Variants in HMGXB3 observed in about 807,000 individuals in gnomAD.
HMGXB3 encodes the protein HMG domain-containing protein 3.
Under a neutral mutation model 121.5 loss-of-function variants are expected in HMGXB3, and 45 were observed. That is an observed-to-expected ratio of 0.37 (90% CI 0.29 to 0.47). The LOEUF (loss-of-function observed/expected upper bound fraction) is 0.47. Among genes scored for constraint, HMGXB3 ranks in the 20% least tolerant of loss-of-function variants. The pLI is 0.99. For missense variants in HMGXB3, 1,376 were observed against 1,602.2 expected (o/e 0.86, Z 2.41); for synonymous variants, 590 against 624.1 (o/e 0.95, Z 0.81).
chr5:150,023,311 T>G (rs1040414691), intron 6 of HMGXB3, among the ~76,000 whole-genome samples: 1 of 152,194 alleles, frequency 6.6e-6, no homozygotes, highest in Non-Finnish European at 1.5e-5. Flanking sequence ...CAAAATGCTG[T>G]CTGGCTCCTG....
At chr5:150,029,484 A>G (rs1266272903) in intron 9 of HMGXB3, among the ~76,000 whole-genome samples, 1 of 152,172 alleles carries the variant, frequency 6.6e-6, no homozygotes, top group African/African-American at 2.4e-5. Flanking sequence ...GCATTTTTCA[A>G]GCTTTTGATC....
chr5:150,042,105 C>T, intron 15 of HMGXB3, 136 bp downstream of exon 15: 1 of 598,218 alleles, frequency 1.7e-6, no homozygotes, highest in East Asian at 2.9e-5. Context: ...CCTCCCACAG[C>T]CCAAGATTTC....
rs556907055 is a variant in HMGXB3, at chr5:150,036,426, C to T, written c.1984-210C>T. ...TTTCAGAGCATTTTGGATTGGGGTG[C>T]TCAACCTGTAGAGAAACTGAGCCCC... On this transcript the variant is annotated intron_variant, in intron 11 of 19. Transcript: ENST00000502717. Among the ~76,000 whole-genome samples, 3 of 152,146 alleles carry T rather than the reference C, an allele frequency of 2.0e-5. No homozygotes were observed. In the South Asian group the frequency reaches 6.3e-4, roughly 32 times the overall value.
chr5:150,039,560 A>G (rs1232913748), intron 13 of HMGXB3, among the ~76,000 whole-genome samples: 2 of 152,216 alleles, frequency 1.3e-5, no homozygotes, highest in East Asian at 1.9e-4. Flanking sequence ...TAGGTAGAGT[A>G]TATGTCCTTT....
chr5:150,024,139 C>A (rs1334825990), intron 6 of HMGXB3, 123 bp from the exon 7 acceptor site: 1 of 813,418 alleles, frequency 1.2e-6, no homozygotes, highest in Non-Finnish European at 1.8e-6. Context: ...AAGTTAACTT[C>A]TTCCTTTCAT....
rs1380802223 is a variant in HMGXB3, at chr5:150,036,624, C to T, written c.1984-12C>T. ...CTCTGAGTGCTTGGTGATCAATCCA[C>T]TCTCTTCCCAGGAGGTGAGCTCACC... On this transcript the variant is annotated splice_polypyrimidine_tract_variant and intron_variant, in intron 11 of 19. Transcript: ENST00000502717. 1.3e-6 allele frequency: 2 copies of T among 1,527,272 alleles called. No individual in the cohort carries two copies. Among genetic ancestry groups the T allele is most frequent in the Non-Finnish European group, 1.8e-6 (2 of 1,134,174 alleles). 94.6% of individuals were successfully genotyped at this position (1,527,272 alleles called of 1,614,324 possible). A position where few individuals can be genotyped will look rare whatever the true frequency, so the allele number is the denominator to read the frequency against.
chr5:150,010,922 G>A (rs1423970471), intron 4 of HMGXB3, among the ~76,000 whole-genome samples: 1 of 152,228 alleles, frequency 6.6e-6, no homozygotes, highest in Non-Finnish European at 1.5e-5. Flanking sequence ...GGATCTGTCA[G>A]GCAATTTAGT....
At chr5:150,010,741 C>T (rs1755811759) in intron 4 of HMGXB3, 133 bp downstream of exon 4, 6 of 886,974 alleles carry the variant, frequency 6.8e-6, no homozygotes, top group Non-Finnish European at 1.0e-5. Context: ...CTGCAGTTCT[C>T]TTGAATGTGT....
chr5:150,034,146 T>G (rs977802524), intron 11 of HMGXB3, among the ~76,000 whole-genome samples: 7 of 152,236 alleles, frequency 4.6e-5, no homozygotes, highest in African/African-American at 1.4e-4. Context: ...TCCGTAGCTT[T>G]CATCAGATTC....
chr5:150,037,305 C>A, intron 12 of HMGXB3, 95 bp from the exon 13 acceptor site: 1 of 1,244,626 alleles, frequency 8.0e-7, no homozygotes, highest in Non-Finnish European at 1.1e-6. Context: ...TAAGCTCCAG[C>A]AAATGAGAAT....
At chr5:150,028,333 T>C (rs1756280396) in intron 9 of HMGXB3, among the ~76,000 whole-genome samples, 1 of 151,338 alleles carries the variant, frequency 6.6e-6, no homozygotes, top group South Asian at 2.1e-4. Flanking sequence ...CCCTAAGCAG[T>C]TCCCAGCTTG....
At chr5:150,028,734 T>A (rs2113746596) in intron 9 of HMGXB3, among the ~76,000 whole-genome samples, 1 of 150,890 alleles carries the variant, frequency 6.6e-6, no homozygotes, top group African/African-American at 2.4e-5. Flanking sequence ...ACCAAGCTAA[T>A]TTTTAAATTT....
chr5:150,003,726 G>A (rs1447592485), intron 1 of HMGXB3, among the ~76,000 whole-genome samples: 2 of 151,774 alleles, frequency 1.3e-5, no homozygotes, highest in Non-Finnish European at 2.9e-5. Context: ...CAGTTTGAGA[G>A]GCCAAGGTGG....
chr5:150,032,941 T>C (rs1756415126), intron 11 of HMGXB3, among the ~76,000 whole-genome samples: 1 of 152,212 alleles, frequency 6.6e-6, no homozygotes, highest in African/African-American at 2.4e-5. Flanking sequence ...ACAAGACCTG[T>C]AAGTTGATTT....
intron 10 of HMGXB3, among the ~76,000 whole-genome samples, chr5:150,031,213 CAG>C (rs1756370122): frequency 6.6e-6 from 1 of 152,232 alleles, no homozygotes; most frequent in Non-Finnish European, 1.5e-5. Flanking sequence ...CTCCCTAAAA[CAG>C]AGTCCAGTTC....
intron 17 of HMGXB3, among the ~76,000 whole-genome samples, chr5:150,048,282 C>T (rs1756807923): frequency 6.6e-6 from 1 of 152,214 alleles, no homozygotes; most frequent in African/African-American, 2.4e-5. Flanking sequence ...AATGTTAGCT[C>T]CCCTTTGATG....
intron 11 of HMGXB3, among the ~76,000 whole-genome samples, chr5:150,033,618 A>G (rs1756432409): frequency 6.6e-6 from 1 of 152,130 alleles, no homozygotes; most frequent in African/African-American, 2.4e-5. Context: ...TCTTGGAACC[A>G]TGTCATGGAA....
chr5:150,050,465 A>G lies in HMGXB3; in HGVS notation c.3411+4A>G. The stretch of plus-strand genomic sequence containing the variant: ...TAGCCCCACAGAGCCACCTGTGGTG[A>G]GTCACCTCCTGAGGAACTGCCATGT... On this transcript the variant is annotated splice_donor_region_variant and intron_variant, in intron 19 of 19. Coordinates refer to ENST00000502717, the MANE Select transcript of HMGXB3 (RefSeq NM_014983.3). 6.5e-7 allele frequency: 1 copy of G among 1,544,898 alleles called. No individual in the cohort carries two copies. The highest frequency in any genetic ancestry group is 8.8e-7 in the Non-Finnish European group (1 of 1,140,966).
At chr5:150,004,384 A>T (rs929243895) in intron 1 of HMGXB3, among the ~76,000 whole-genome samples, 8 of 152,234 alleles carry the variant, frequency 5.3e-5, no homozygotes, top group African/African-American at 1.9e-4. Context: ...GAGTGAATCA[A>T]TGAAGGGATT....
Sources: gnomAD v4.1 joint callset for allele counts (sites outside exome capture counted in the v4.1 genomes callset) on GRCh38, gnomAD v4.1.1 for gene constraint, MANE v1.5 for transcripts, NCBI Gene and HGNC (gene_info 2026-07-23, HGNC 2026-07-21) for gene names.